Variants in LMO4 observed in about 807,000 individuals in gnomAD.
LMO4 encodes LIM domain only 4.
In LMO4, 3 loss-of-function variants were observed where a neutral mutation model predicts 18.5. The ratio of observed to expected loss-of-function variants is 0.16; its 90% CI spans 0.07 to 0.42. The LOEUF (loss-of-function observed/expected upper bound fraction) is 0.42. Among genes scored for constraint, LMO4 ranks in the 10% least tolerant of loss-of-function variants. The pLI is 0.99. For missense variants in LMO4, 121 were observed against 219.9 expected, an observed-to-expected ratio of 0.55 and a Z score of 2.84; for synonymous variants, 100 against 88.1, an observed-to-expected ratio of 1.14 and a Z score of -0.76.
intron 1 of LMO4, among the ~76,000 whole-genome samples, chr1:87,330,782 G>A (rs1051370426): frequency 3.3e-5 from 5 of 152,174 alleles, no homozygotes; most frequent in Non-Finnish European, 5.9e-5. Context: ...GACAATACAG[G>A]CTGCTTAATT....
At chr1:87,335,277 G>T (rs906506404) in intron 2 of LMO4, among the ~76,000 whole-genome samples, 1 of 152,206 alleles carries the variant, frequency 6.6e-6, no homozygotes, top group Non-Finnish European at 1.5e-5. Context: ...AAAGTGCAGC[G>T]AGAGGAGGAA....
At chr1:87,340,339 A>G (rs1650441860) in intron 4 of LMO4, 137 bp downstream of exon 4, 7 of 725,230 alleles carry the variant, frequency 9.7e-6, no homozygotes, top group South Asian at 2.1e-5. Flanking sequence ...CTAGTTGTAC[A>G]TAGAGTGTTC....
chr1:87,343,623 G>A (rs944088513), intron 4 of LMO4, among the ~76,000 whole-genome samples: 4 of 152,114 alleles, frequency 2.6e-5, no homozygotes, highest in Non-Finnish European at 4.4e-5. Flanking sequence ...ATGTCACTTC[G>A]CAGTTCCCCC....
Position 87,328,919 on chromosome 1 carries a change from C to G in LMO4, c.-329C>G, listed in dbSNP as rs1042044752. On this transcript the variant is annotated 5_prime_UTR_variant, in exon 1 of 5. Transcript: ENST00000370544. ...AGCAGTTGCTGCCGCTGCGCCGCGC[C>G]TGAAGCCGCGCCGCGCGGGCCGAGG... is the stretch of plus-strand genomic sequence containing the variant. 6.6e-6 allele frequency: 1 copy of G among 152,366 alleles called. No homozygotes were observed. Among genetic ancestry groups the G allele is most frequent in the African/African-American group, 2.4e-5 (1 of 41,404 alleles). 9.4% of individuals were successfully genotyped at this position (152,366 alleles called of 1,614,324 possible).
chr1:87,343,026 G>A (rs948311735), intron 4 of LMO4, among the ~76,000 whole-genome samples: 3 of 152,030 alleles, frequency 2.0e-5, no homozygotes, highest in Non-Finnish European at 2.9e-5. Context: ...CCTTCTATTC[G>A]CAGAATCAAT....
In LMO4 at chr1:87,339,904, G is replaced by T. The variant is rs907843256; in HGVS notation, c.334-143G>T. The T allele has an allele frequency of 6.6e-6, 6 of 910,004 alleles. No individual in the cohort carries two copies. The African/African-American group carries it at 1.0e-4, about 15-fold the overall frequency. 56.4% of individuals were successfully genotyped at this position (910,004 alleles called of 1,614,324 possible). ...GCAATTTGGCTTACTGTTTTCTGGA[G>T]ATCTGTCAAAGGAAGAAAAAACGCT... On this transcript the variant is annotated intron_variant, in intron 3 of 4. Transcript: ENST00000370544.
chr1:87,333,929 C>T (rs1452344552), intron 2 of LMO4, among the ~76,000 whole-genome samples: 1 of 150,710 alleles, frequency 6.6e-6, no homozygotes, highest in Non-Finnish European at 1.5e-5. Flanking sequence ...TTCATCTCTT[C>T]TCCGAGTGCC....
At chr1:87,331,768 A>G in intron 1 of LMO4, 2 of 519,290 alleles carry the variant, frequency 3.9e-6, no homozygotes, top group Non-Finnish European at 6.8e-6. Flanking sequence ...CGGCAAGCGC[A>G]GGAAAGTTGA....
Position 87,348,728 on chromosome 1 carries a change from G to A in LMO4, c.*3932G>A, listed in dbSNP as rs1219854855. ...AATACTGTTTTCAGTTGTGCAAGAA[G>A]TGCTTTATGCTAGTAGATATGTGCA... is the stretch of plus-strand genomic sequence containing the variant. On this transcript the variant is annotated 3_prime_UTR_variant, in exon 5 of 5. Transcript: ENST00000370544. 1.9e-6 allele frequency: 1 copy of A among 516,046 alleles called. No homozygotes were observed. Among genetic ancestry groups the A allele is most frequent in the East Asian group, 5.5e-5 (1 of 18,284 alleles). 32.0% of individuals were successfully genotyped at this position (516,046 alleles called of 1,614,324 possible). A position where few individuals can be genotyped will look rare whatever the true frequency, so the allele number is the denominator to read the frequency against.
At chr1:87,338,289 G>A (rs1650369660) in intron 2 of LMO4, among the ~76,000 whole-genome samples, 2 of 152,284 alleles carry the variant, frequency 1.3e-5, no homozygotes, top group Admixed American at 1.3e-4. Flanking sequence ...ATGTCTCCTG[G>A]TTTGACACAG....
At chr1:87,337,659 G>C (rs566744793) in intron 2 of LMO4, among the ~76,000 whole-genome samples, 3 of 152,268 alleles carry the variant, frequency 2.0e-5, no homozygotes, top group South Asian at 2.1e-4. Context: ...TACCCAAATT[G>C]TTTGAATTTG....
chr1:87,340,919 G>A (rs994857198), intron 4 of LMO4, among the ~76,000 whole-genome samples: 4 of 152,212 alleles, frequency 2.6e-5, no homozygotes, highest in African/African-American at 7.2e-5. Flanking sequence ...TACAAATCAT[G>A]TAGTATTAGA....
Position 87,345,252 on chromosome 1 carries a change from A to C in LMO4, c.*456A>C. On this transcript the variant is annotated 3_prime_UTR_variant, in exon 5 of 5. Transcript: ENST00000370544. ...TTGTAAGGAAACGTGTTTCAATCAA[A>C]ACTGACCATGAGATAAAGGAAAGAG... is the stretch of plus-strand genomic sequence containing the variant. 6.4e-6 allele frequency: 1 copy of C among 156,180 alleles called. No homozygotes were observed. 9.7% of individuals were successfully genotyped at this position (156,180 alleles called of 1,614,324 possible).
chr1:87,337,001 A>G (rs1302532659), intron 2 of LMO4, among the ~76,000 whole-genome samples: 2 of 146,204 alleles, frequency 1.4e-5, no homozygotes, highest in Admixed American at 1.3e-4. Context: ...CGCACACACA[A>G]CTTTTCAGAA....
At chr1:87,335,452 G>A (rs1445813541) in intron 2 of LMO4, among the ~76,000 whole-genome samples, 1 of 151,828 alleles carries the variant, frequency 6.6e-6, no homozygotes, top group Admixed American at 6.6e-5. Context: ...GCGGTCTCGG[G>A]CCCACGAGGG....
At chr1:87,339,011 A>G (rs1303194313) in intron 2 of LMO4, among the ~76,000 whole-genome samples, 2 of 152,234 alleles carry the variant, frequency 1.3e-5, no homozygotes, top group Non-Finnish European at 2.9e-5. Context: ...CACATTATAT[A>G]TCAACCTGGA....
Position 87,340,108 on chromosome 1 carries a change from A to G in LMO4, c.395A>G (p.Asn132Ser), listed in dbSNP as rs1189472665. Residue 132 changes from asparagine to serine, a missense_variant, in exon 4 of 5, where the codon AAT (asparagine) becomes AGT (serine). Physicochemically the swap from Asn to Ser is conservative, Grantham distance 46. Coordinates refer to ENST00000370544, the MANE Select transcript of LMO4 (RefSeq NM_006769.4). ...CCGGGAGATCGGTTTCACTACATCAATGGCAGTTTATTTTGTGAACATGAT... is the reference window on the plus strand; with the variant it reads ...CCGGGAGATCGGTTTCACTACATCAGTGGCAGTTTATTTTGTGAACATGAT... Reference protein sequence around the residue: ...LVPGDRFHYINGSLFCEHDRP... With the variant: ...LVPGDRFHYISGSLFCEHDRP... 7 of 1,614,020 alleles carry G rather than the reference A, an allele frequency of 4.3e-6. No homozygotes were observed. Among genetic ancestry groups the G allele is most frequent in the African/African-American group, 2.7e-5 (2 of 74,902 alleles).
At chr1:87,344,751 G>C (rs756007465) in intron 4 of LMO4, 37 bp from the exon 5 acceptor site, 3 of 1,611,606 alleles carry the variant, frequency 1.9e-6, no homozygotes, top group Admixed American at 3.3e-5. Context: ...CTCAAATTTA[G>C]CATTTTAGCT....
intron 4 of LMO4, among the ~76,000 whole-genome samples, chr1:87,342,223 G>A (rs1440672129): frequency 6.6e-6 from 1 of 152,202 alleles, no homozygotes; most frequent in Non-Finnish European, 1.5e-5. Context: ...AGATTGTGAA[G>A]CACTGAATAC....
Sources: gnomAD v4.1 joint callset for allele counts (sites outside exome capture counted in the v4.1 genomes callset) on GRCh38, gnomAD v4.1.1 for gene constraint, MANE v1.5 for transcripts, NCBI Gene and HGNC (gene_info 2026-07-23, HGNC 2026-07-21) for gene names.